The following NAV3 variants were observed in gnomAD, a reference collection of about 807,000 sequenced individuals.
The protein encoded by NAV3 is neuron navigator 3.
NAV3 carries 87 observed loss-of-function variants against 244.7 expected under a neutral mutation model. The ratio of observed to expected loss-of-function variants is 0.36; its 90% CI spans 0.30 to 0.42. The LOEUF is 0.42. Among genes scored for constraint, NAV3 ranks in the 20% least tolerant of loss-of-function variants. The probability of loss-of-function intolerance (pLI) is 1.00; values close to 1 mark genes in which losing one functional copy is unlikely to be tolerated. For missense variants in NAV3, 2,663 were observed against 2,893.3 expected (o/e 0.92, Z 1.83); for synonymous variants, 1,126 against 1,042.2 (o/e 1.08, Z -1.55).
intron 2 of NAV3, among the ~76,000 whole-genome samples, chr12:77,654,059 T>C (rs1313995807): frequency 6.6e-6 from 1 of 152,212 alleles, no homozygotes; most frequent in African/African-American, 2.4e-5. Flanking sequence ...CATTTCCATC[T>C]GAGGTACCGG....
chr12:77,977,712 G>GCGCGCA (rs1349366739), intron 5 of NAV3, among the ~76,000 whole-genome samples: 1,459 of 143,082 alleles, frequency 0.01, 12 homozygotes, highest in Middle Eastern at 0.021. Context: ...ACACACACGC[G>GCGCGCA]CACACACACA....
chr12:77,899,000 G>A (rs1250249182), intron 1 of NAV3, among the ~76,000 whole-genome samples: 2 of 152,200 alleles, frequency 1.3e-5, no homozygotes, highest in Non-Finnish European at 2.9e-5. Flanking sequence ...TGCTGATGTG[G>A]TAGGAATAGC....
intron 2 of NAV3, among the ~76,000 whole-genome samples, chr12:77,691,357 A>ATATATATATATATG (rs1190972203): frequency 1.5e-5 from 2 of 137,562 alleles, no homozygotes; most frequent in Non-Finnish European, 3.1e-5. Flanking sequence ...ATATATATAC[A>ATATATATATATATG]TATCCATTCT....
At chr12:78,003,416 A>C (rs922880867) in intron 7 of NAV3, among the ~76,000 whole-genome samples, 14 of 152,214 alleles carry the variant, frequency 9.2e-5, no homozygotes, top group African/African-American at 3.4e-4. Flanking sequence ...CAATGAGCAC[A>C]ATGCCTGCCA....
At chr12:78,192,778 A>T (rs1959041771) in intron 34 of NAV3, among the ~76,000 whole-genome samples, 1 of 152,120 alleles carries the variant, frequency 6.6e-6, no homozygotes, top group Non-Finnish European at 1.5e-5. Context: ...TAACTAAAAA[A>T]TATTTATTTT....
Position 77,714,343 on chromosome 12 carries a change from T to G in NAV3, c.72+142077T>G, listed in dbSNP as rs187209353. Among the ~76,000 whole-genome samples, 576 of 152,184 alleles carry G rather than the reference T, an allele frequency of 3.8e-3. 1 individual carries two copies. The highest frequency in any genetic ancestry group is 0.017 in the Middle Eastern group (5 of 294). On this transcript the variant is annotated intron_variant, in intron 2 of 8. Transcript: ENST00000550042. ...AAAATTCCTCAGTTCAGGCTATTTT[T>G]TTATTGTTGTTGTTTCTAGCTTGCT...
At chr12:78,036,808 C>T in intron 9 of NAV3, 1 of 622,802 alleles carries the variant, frequency 1.6e-6, no homozygotes, top group East Asian at 2.7e-5. Context: ...GTTACAATCA[C>T]AGTGTAACAA....
At chr12:77,730,469 G>A (rs1344678895) in intron 2 of NAV3, among the ~76,000 whole-genome samples, 2 of 151,804 alleles carry the variant, frequency 1.3e-5, no homozygotes, top group Non-Finnish European at 2.9e-5. Flanking sequence ...GAAAACAAAG[G>A]AGAATCATAA....
intron 3 of NAV3, among the ~76,000 whole-genome samples, chr12:77,946,250 TGTGTGTGTGC>T (rs1890339428): frequency 8.9e-6 from 1 of 112,756 alleles, no homozygotes; most frequent in Admixed American, 8.9e-5. Context: ...TGTGTGTGTG[TGTGTGTGTGC>T]GCGTGCACCT....
intron 2 of NAV3, among the ~76,000 whole-genome samples, chr12:77,700,397 A>C (rs1875507737): frequency 6.6e-6 from 1 of 152,134 alleles, no homozygotes; most frequent in East Asian, 1.9e-4. Flanking sequence ...GAGAGAAAAT[A>C]AATTAAAATT....
At chr12:77,991,905 C>T (rs1365250514) in intron 5 of NAV3, among the ~76,000 whole-genome samples, 3 of 152,014 alleles carry the variant, frequency 2.0e-5, no homozygotes, top group African/African-American at 4.8e-5. Flanking sequence ...GTGGCGGGTG[C>T]CTGTAATCCC....
At chr12:77,629,084 C>G (rs12313056) in intron 2 of NAV3, among the ~76,000 whole-genome samples, 18,134 of 152,006 alleles carry the variant, frequency 0.12, 2,009 homozygotes, top group African/African-American at 0.29. Context: ...ATGTCTAGAA[C>G]AGTTTTTCAA....
intron 24 of NAV3, among the ~76,000 whole-genome samples, chr12:78,173,660 G>T (rs1253341279): frequency 6.6e-6 from 1 of 151,120 alleles, no homozygotes; most frequent in Non-Finnish European, 1.5e-5. Context: ...TTTAGAAGTT[G>T]GTAATGTTTT....
chr12:78,055,438 A>G (rs1006563976), intron 11 of NAV3, among the ~76,000 whole-genome samples: 1 of 152,206 alleles, frequency 6.6e-6, no homozygotes, highest in East Asian at 1.9e-4. Context: ...CATGCATAAT[A>G]TGTTAACTAT....
chr12:77,609,638 A>G (rs1870823085), intron 2 of NAV3, among the ~76,000 whole-genome samples: 1 of 151,098 alleles, frequency 6.6e-6, no homozygotes, highest in African/African-American at 2.4e-5. Context: ...TTGCATTTTG[A>G]ACAACTTCCC....
intron 2 of NAV3, among the ~76,000 whole-genome samples, chr12:77,688,403 A>G (rs1419782309): frequency 6.6e-6 from 1 of 151,990 alleles, no homozygotes; most frequent in East Asian, 1.9e-4. Context: ...TTTATTGTCT[A>G]CTTTCCTCAC....
At chr12:77,730,036 C>A (rs1427559290) in intron 2 of NAV3, among the ~76,000 whole-genome samples, 2 of 151,902 alleles carry the variant, frequency 1.3e-5, no homozygotes, top group African/African-American at 4.8e-5. Flanking sequence ...TTGTTGAAAA[C>A]ATTCAGGCTC....
intron 2 of NAV3, among the ~76,000 whole-genome samples, chr12:77,798,561 TAA>T (rs59586564): frequency 0.95 from 144,928 of 152,100 alleles, 69,468 homozygotes; most frequent in East Asian, 1. Context: ...AGAATAATAG[TAA>T]AACTTCTTTT....
intron 2 of NAV3, among the ~76,000 whole-genome samples, chr12:77,817,445 GT>G (rs964995708): frequency 9.2e-5 from 14 of 151,646 alleles, no homozygotes; most frequent in East Asian, 3.9e-4. Context: ...AATATAAGAA[GT>G]TTTTTTTTAA....
Sources: gnomAD v4.1 joint callset for allele counts (sites outside exome capture counted in the v4.1 genomes callset) on GRCh38, gnomAD v4.1.1 for gene constraint, MANE v1.5 for transcripts, NCBI Gene and HGNC (gene_info 2026-07-23, HGNC 2026-07-21) for gene names.